The following ITCH variants were observed in gnomAD, a reference collection of about 807,000 sequenced individuals.
ITCH encodes the protein E3 ubiquitin-protein ligase Itchy homolog.
A neutral mutation model predicts 126.8 loss-of-function variants in ITCH; 28 were observed. That is an observed-to-expected ratio of 0.22 (90% CI 0.16 to 0.30). The LOEUF (loss-of-function observed/expected upper bound fraction) is 0.30, where lower values mean the gene tolerates loss of function less well. ITCH is among the 10% of genes least tolerant of loss of function. ITCH has a pLI of 1.00. For missense variants in ITCH, 631 were observed against 1,032.4 expected, an observed-to-expected ratio of 0.61 and a Z score of 5.33; for synonymous variants, 342 against 340.0, an observed-to-expected ratio of 1.01 and a Z score of -0.06.
chr20:34,386,873 C>T (rs1203829899), intron 2 of ITCH, among the ~76,000 whole-genome samples: 1 of 152,138 alleles, frequency 6.6e-6, no homozygotes, highest in East Asian at 1.9e-4. Flanking sequence ...TCCCTTTCCA[C>T]ATTTTTGTTT....
At chr20:34,437,245 AAAAT>A (rs1450543215) in intron 7 of ITCH, among the ~76,000 whole-genome samples, 2 of 152,210 alleles carry the variant, frequency 1.3e-5, no homozygotes, top group Non-Finnish European at 2.9e-5. Flanking sequence ...GTTTTTATTA[AAAAT>A]AAATCATTGC....
At chr20:34,465,026 T>G (rs1266186773) in intron 14 of ITCH, among the ~76,000 whole-genome samples, 2 of 152,162 alleles carry the variant, frequency 1.3e-5, no homozygotes, top group Non-Finnish European at 2.9e-5. Context: ...TTCTTTAATT[T>G]TAGCTCTTAC....
intron 18 of ITCH, among the ~76,000 whole-genome samples, chr20:34,480,232 T>C (rs1165573235): frequency 1.3e-5 from 2 of 151,666 alleles, no homozygotes; most frequent in East Asian, 1.9e-4. Context: ...AGTTTCACTT[T>C]TGTTGCCCAG....
rs1307680652 is a variant in ITCH, at chr20:34,407,466, G to A, written c.71-1185G>A. On this transcript the variant is annotated intron_variant, in intron 3 of 24. Transcript: ENST00000374864. ...AATTTTTTAGTAGAGACGAGGTTTC[G>A]CCATGTTGGCCAGGCTGGTCTTAAA... 5.3e-5 allele frequency among the ~76,000 whole-genome samples: 8 copies of A among 151,956 alleles called. No homozygotes were observed. The South Asian group carries it at 8.3e-4, about 16-fold the overall frequency.
intron 14 of ITCH, among the ~76,000 whole-genome samples, chr20:34,469,586 T>C (rs1428453269): frequency 6.6e-6 from 1 of 152,172 alleles, no homozygotes; most frequent in Non-Finnish European, 1.5e-5. Context: ...CCACTGCACC[T>C]GGCCAAAAAG....
rs1403473757 is a variant in ITCH, at chr20:34,479,302, A to AT, written c.1659-327dup. ...TAGTATTTCATTGATTCTAAGACTAATATTTTCATTTTATAATATCTCTGA... is the reference window on the plus strand; with the variant it reads ...TAGTATTTCATTGATTCTAAGACTAATTATTTTCATTTTATAATATCTCTGA... On this transcript the variant is annotated intron_variant, in intron 17 of 24. Transcript: ENST00000374864. Among the ~76,000 whole-genome samples, 3 of 152,222 alleles carry AT rather than the reference A, an allele frequency of 2.0e-5. No individual in the cohort carries two copies. The East Asian group carries it at 5.8e-4, about 29-fold the overall frequency.
At chr20:34,479,911 A>G in intron 18 of ITCH, 122 bp downstream of exon 18, 1 of 919,882 alleles carries the variant, frequency 1.1e-6, no homozygotes, top group Non-Finnish European at 1.7e-6. Flanking sequence ...TTTGTTTTTT[A>G]TTTTTGAGAC....
chr20:34,504,008 G>A (rs996854161), intron 23 of ITCH, among the ~76,000 whole-genome samples: 3 of 151,720 alleles, frequency 2.0e-5, no homozygotes, highest in African/African-American at 4.8e-5. Flanking sequence ...AGTCTCCTGA[G>A]TAGCTGGGAT....
intron 22 of ITCH, among the ~76,000 whole-genome samples, chr20:34,491,963 A>G (rs1321525819): frequency 1.3e-5 from 2 of 151,934 alleles, no homozygotes; most frequent in African/African-American, 4.8e-5. Flanking sequence ...GTGTAGCCAC[A>G]TGAATATCCT....
intron 6 of ITCH, among the ~76,000 whole-genome samples, chr20:34,418,736 T>A (rs1391985608): frequency 6.7e-6 from 1 of 150,370 alleles, no homozygotes; most frequent in Non-Finnish European, 1.5e-5. Context: ...TAAAACTCCT[T>A]TCTTTCTTTT....
rs116977441 is a variant in ITCH, at chr20:34,367,131, T to A, written c.-98-2263T>A. Among the ~76,000 whole-genome samples the A allele has an allele frequency of 2.5e-4, 38 of 152,268 alleles. No individual in the cohort carries two copies. In the East Asian group the frequency reaches 4.8e-3, roughly 19 times the overall value. Reference sequence around the variant, plus strand: ...ATTGTTCATTAGCATCTTTGAGAAATTAGAAAGAACTATGTCAGGTGTAAT... The same window carrying A: ...ATTGTTCATTAGCATCTTTGAGAAAATAGAAAGAACTATGTCAGGTGTAAT... On this transcript the variant is annotated intron_variant, in intron 1 of 24. Coordinates refer to ENST00000374864, the MANE Select transcript of ITCH (RefSeq NM_031483.7).
At chr20:34,398,773 TCTGAGAATG>T (rs1281831084) in intron 3 of ITCH, among the ~76,000 whole-genome samples, 1 of 152,228 alleles carries the variant, frequency 6.6e-6, no homozygotes, top group African/African-American at 2.4e-5. Context: ...GTCTAAATAT[TCTGAGAATG>T]CTCAAGTGTA....
intron 13 of ITCH, 78 bp from the exon 14 acceptor site, chr20:34,462,015 T>G: frequency 2.9e-6 from 4 of 1,396,484 alleles, no homozygotes; most frequent in Non-Finnish European, 3.0e-6. Flanking sequence ...CTATGTTTAT[T>G]GACATTTGTA....
intron 24 of ITCH, among the ~76,000 whole-genome samples, chr20:34,506,332 G>A (rs1173207180): frequency 6.6e-6 from 1 of 152,142 alleles, no homozygotes; most frequent in Non-Finnish European, 1.5e-5. Context: ...CCAAAGTGCT[G>A]GAATTACAGG....
Position 34,445,277 on chromosome 20 carries a change from T to C in ITCH, c.966-10T>C, listed in dbSNP as rs748726839. The C allele has an allele frequency of 5.0e-6, 8 of 1,597,862 alleles. No individual in the cohort carries two copies. Among genetic ancestry groups the C allele is most frequent in the East Asian group, 4.5e-5 (2 of 44,796 alleles). On this transcript the variant is annotated splice_polypyrimidine_tract_variant and intron_variant, in intron 10 of 24. Coordinates refer to ENST00000374864, the MANE Select transcript of ITCH (RefSeq NM_031483.7). ...ATTAGCTTGTTTTTTTTTTTTTTTT[T>C]CTGATTTAGCTGGGAACGGCGGGTT...
rs908166101 is a variant in ITCH, at chr20:34,509,230, C to T, written c.*1436C>T. 4 of 152,446 alleles carry T rather than the reference C, an allele frequency of 2.6e-5. No individual in the cohort carries two copies. The highest frequency in any genetic ancestry group is 5.9e-5 in the Non-Finnish European group (4 of 68,034). 9.4% of individuals were successfully genotyped at this position (152,446 alleles called of 1,614,324 possible). ...TTTAACTTGGCCTAGCTTCGACTGT[C>T]AAGGTGGCTGTTATAAATTTGACTT... is the stretch of plus-strand genomic sequence containing the variant. On this transcript the variant is annotated 3_prime_UTR_variant, in exon 25 of 25. Transcript: ENST00000374864.
intron 23 of ITCH, 150 bp from the exon 24 acceptor site, chr20:34,504,181 C>T: frequency 1.4e-6 from 1 of 690,930 alleles, no homozygotes; most frequent in Middle Eastern, 2.4e-4. Context: ...ACACCTAACC[C>T]AGAGTTTCTG....
At chr20:34,499,027 C>T (rs1025846032) in intron 23 of ITCH, among the ~76,000 whole-genome samples, 11 of 149,400 alleles carry the variant, frequency 7.4e-5, no homozygotes, top group South Asian at 2.1e-4. Context: ...CAGGCTGGAA[C>T]GCAGTGGCAC....
At chr20:34,496,054 A>G (rs1385691795) in intron 23 of ITCH, among the ~76,000 whole-genome samples, 3 of 151,992 alleles carry the variant, frequency 2.0e-5, no homozygotes, top group Non-Finnish European at 2.9e-5. Flanking sequence ...AGCCTGGGTG[A>G]CAGAGCAATA....
Sources: gnomAD v4.1 joint callset for allele counts (sites outside exome capture counted in the v4.1 genomes callset) on GRCh38, gnomAD v4.1.1 for gene constraint, MANE v1.5 for transcripts, NCBI Gene and HGNC (gene_info 2026-07-23, HGNC 2026-07-21) for gene names.